PPP6R3: variants seen among roughly 807,000 people sequenced by gnomAD.
PPP6R3 encodes the protein protein phosphatase 6 regulatory subunit 3.
Under a neutral mutation model 110.7 loss-of-function variants are expected in PPP6R3, and 38 were observed. The observed-to-expected ratio is 0.34, with a 90% confidence interval of 0.26 to 0.45. The LOEUF is 0.45. PPP6R3 is among the 20% of genes least tolerant of loss of function. The pLI is 1.00. For missense variants in PPP6R3, 870 were observed against 1,062.4 expected, an observed-to-expected ratio of 0.82 and a Z score of 2.52; for synonymous variants, 369 against 373.5, an observed-to-expected ratio of 0.99 and a Z score of 0.14.
At chr11:68,495,833 T>C (rs929224989) in intron 1 of PPP6R3, among the ~76,000 whole-genome samples, 5 of 152,244 alleles carry the variant, frequency 3.3e-5, no homozygotes, top group East Asian at 1.9e-4. Context: ...GTTTCAATTC[T>C]CTTGGATACA....
intron 1 of PPP6R3, among the ~76,000 whole-genome samples, chr11:68,517,153 G>A (rs1013868575): frequency 6.7e-6 from 1 of 149,692 alleles, no homozygotes; most frequent in African/African-American, 2.5e-5. Context: ...GTTGGAAAAC[G>A]TTGCTAAAAT....
At chr11:68,539,414 CTTGTA>C (rs1345336972) in intron 3 of PPP6R3, among the ~76,000 whole-genome samples, 1 of 152,220 alleles carries the variant, frequency 6.6e-6, no homozygotes, top group African/African-American at 2.4e-5. Context: ...CAGTGTGGCA[CTTGTA>C]TTATATTGCT....
chr11:68,571,321 G>C, intron 12 of PPP6R3: 1 of 562,846 alleles, frequency 1.8e-6, no homozygotes, highest in Non-Finnish European at 2.8e-6. Context: ...AAACAAGTGA[G>C]TTCGGAGTGT....
At chr11:68,570,203 C>A (rs187936792) in intron 11 of PPP6R3, among the ~76,000 whole-genome samples, 1 of 152,284 alleles carries the variant, frequency 6.6e-6, no homozygotes, top group Admixed American at 6.5e-5. Context: ...AATTTAAATA[C>A]TATGGAAAAC....
intron 4 of PPP6R3, among the ~76,000 whole-genome samples, chr11:68,545,335 T>C (rs892166279): frequency 6.6e-6 from 1 of 152,268 alleles, no homozygotes; most frequent in Admixed American, 6.5e-5. Flanking sequence ...ATGGCAAGTA[T>C]AATAACTAAG....
chr11:68,476,424 C>G (rs1196761698), intron 1 of PPP6R3, among the ~76,000 whole-genome samples: 1 of 121,546 alleles, frequency 8.2e-6, no homozygotes, highest in Non-Finnish European at 1.6e-5. Context: ...TACAGTCCAG[C>G]TTCGGCTGGG....
In PPP6R3 at chr11:68,602,041, G is replaced by C. The variant is rs545280243; in HGVS notation, c.2299+72G>C. 25 of 1,243,698 alleles carry C rather than the reference G, an allele frequency of 2.0e-5. No homozygotes were observed. In the Admixed American group the frequency reaches 3.9e-4, roughly 20 times the overall value. The allele number at this position is 1,243,698 out of a possible 1,614,324, so 77.0% of individuals were successfully genotyped here. On this transcript the variant is annotated intron_variant, in intron 21 of 23. Coordinates refer to ENST00000393800, the MANE Select transcript of PPP6R3 (RefSeq NM_001164161.2). ...TTGTCAAACCAGACCTGATTCTCAG[G>C]CTCAGGGGCTAGTGGAGCCCGGGAG...
At chr11:68,552,264 C>T (rs1041215582) in intron 6 of PPP6R3, among the ~76,000 whole-genome samples, 2 of 152,176 alleles carry the variant, frequency 1.3e-5, no homozygotes, top group Non-Finnish European at 2.9e-5. Context: ...TTGTGTGTCT[C>T]TAGGTTGCAG....
chr11:68,474,926 A>G (rs938753687), intron 1 of PPP6R3, among the ~76,000 whole-genome samples: 5 of 150,340 alleles, frequency 3.3e-5, no homozygotes, highest in Admixed American at 1.3e-4. Flanking sequence ...TTTTATTTTT[A>G]TTTTTTTCAT....
chr11:68,528,433 T>TGTG (rs779975588), intron 2 of PPP6R3, among the ~76,000 whole-genome samples: 17 of 127,546 alleles, frequency 1.3e-4, no homozygotes, highest in East Asian at 4.9e-4. Context: ...TTTGTGTGTG[T>TGTG]GGGGGGGGGG....
At chr11:68,562,389 A>G (rs2099428483) in intron 8 of PPP6R3, among the ~76,000 whole-genome samples, 1 of 152,232 alleles carries the variant, frequency 6.6e-6, no homozygotes, top group African/African-American at 2.4e-5. Flanking sequence ...TGCAGATTCA[A>G]TGCAATTCCG....
At chr11:68,611,727 G>A (rs772834384) in intron 23 of PPP6R3, among the ~76,000 whole-genome samples, 8 of 152,072 alleles carry the variant, frequency 5.3e-5, no homozygotes, top group South Asian at 2.1e-4. Flanking sequence ...GCTGGGGTGC[G>A]GGGGAGAGGA....
intron 1 of PPP6R3, among the ~76,000 whole-genome samples, chr11:68,502,162 A>C (rs1165868442): frequency 6.6e-6 from 1 of 152,196 alleles, no homozygotes; most frequent in Admixed American, 6.5e-5. Flanking sequence ...TGTAATCTTA[A>C]ATTTTCTAAT....
intron 1 of PPP6R3, among the ~76,000 whole-genome samples, chr11:68,473,609 G>A (rs1447405028): frequency 2.6e-5 from 4 of 152,196 alleles, no homozygotes; most frequent in Non-Finnish European, 5.9e-5. Context: ...GTCAGAAGTC[G>A]AGGGCAGTCT....
Position 68,596,166 on chromosome 11 carries a change from T to C in PPP6R3, c.1986T>C (p.Phe662=), listed in dbSNP as rs2099613358. 1.2e-6 allele frequency: 2 copies of C among 1,614,116 alleles called. No homozygotes were observed. The highest frequency in any genetic ancestry group is 1.7e-5 in the Admixed American group (1 of 60,010). ...EEEDGAKQDL[F]EPSSANTEDK... ...AAGATGGAGCAAAGCAAGACTTGTT[T>C]GAACCCAGCAGTGCCAACACGGAGG... The change falls in exon 19 of 24, where the codon TTT becomes TTC. Residue 662 remains phenylalanine, a synonymous_variant. Coordinates refer to ENST00000393800, the MANE Select transcript of PPP6R3 (RefSeq NM_001164161.2).
chr11:68,546,638 T>A (rs184436422), intron 4 of PPP6R3, among the ~76,000 whole-genome samples: 2 of 152,310 alleles, frequency 1.3e-5, no homozygotes, highest in East Asian at 3.9e-4. Flanking sequence ...AGTAGGGGTG[T>A]ATGCAACTGT....
intron 5 of PPP6R3, 104 bp downstream of exon 5, chr11:68,548,308 A>G (rs2099357162): frequency 7.0e-7 from 1 of 1,425,122 alleles, no homozygotes; most frequent in Non-Finnish European, 9.5e-7. Context: ...TAGGGTTGGT[A>G]GCAGAGGGTT....
intron 15 of PPP6R3, among the ~76,000 whole-genome samples, chr11:68,585,134 G>A (rs891318470): frequency 6.6e-6 from 1 of 152,156 alleles, no homozygotes; most frequent in Non-Finnish European, 1.5e-5. Flanking sequence ...GTGCCTCCAG[G>A]CGTTTGTGCC....
chr11:68,514,826 C>G (rs2099128064), intron 1 of PPP6R3, among the ~76,000 whole-genome samples: 1 of 152,170 alleles, frequency 6.6e-6, no homozygotes, highest in Non-Finnish European at 1.5e-5. Flanking sequence ...CTCAGGCGAT[C>G]CACCTGCCTT....
Sources: allele counts gnomAD v4.1 joint callset (sites outside exome capture counted in the v4.1 genomes callset), GRCh38; gene constraint gnomAD v4.1.1; transcripts MANE v1.5; gene names NCBI Gene and HGNC (gene_info 2026-07-23, HGNC 2026-07-21).